CDH8: variants seen among roughly 807,000 people sequenced by gnomAD.
The protein encoded by CDH8 is cadherin-8.
In CDH8, 17 loss-of-function variants were observed where a neutral mutation model predicts 68.1. The observed-to-expected ratio is 0.25, with a 90% confidence interval of 0.17 to 0.37. CDH8 has a LOEUF of 0.37. CDH8 is among the 10% of genes least tolerant of loss of function. CDH8 has a pLI of 1.00. For missense variants in CDH8, 763 were observed against 999.3 expected (o/e 0.76, Z 3.19); for synonymous variants, 372 against 365.1 (o/e 1.02, Z -0.21).
intron 10 of CDH8, among the ~76,000 whole-genome samples, chr16:61,701,117 G>A (rs754600372): frequency 7.2e-5 from 11 of 152,152 alleles, no homozygotes; most frequent in African/African-American, 1.2e-4. Flanking sequence ...AAGACAATGC[G>A]TTGACCTGTT....
At chr16:62,016,464 A>G (rs1901942841) in intron 2 of CDH8, among the ~76,000 whole-genome samples, 1 of 152,202 alleles carries the variant, frequency 6.6e-6, no homozygotes, top group Non-Finnish European at 1.5e-5. Context: ...TGTCTACCAT[A>G]AAGAGTATCT....
chr16:61,680,396 A>G (rs935845757), intron 10 of CDH8, among the ~76,000 whole-genome samples: 1 of 151,822 alleles, frequency 6.6e-6, no homozygotes, highest in Non-Finnish European at 1.5e-5. Context: ...CATCCTACCA[A>G]TGCCGATTCT....
At chr16:61,808,923 C>T (rs748134475) in intron 7 of CDH8, among the ~76,000 whole-genome samples, 8 of 152,166 alleles carry the variant, frequency 5.3e-5, no homozygotes, top group East Asian at 1.9e-4. Context: ...CAGTGGCTAA[C>T]GCCTGTAATC....
chr16:61,774,391 C>T, intron 8 of CDH8, among the ~76,000 whole-genome samples: 1 of 151,388 alleles, frequency 6.6e-6, no homozygotes, highest in Non-Finnish European at 1.5e-5. Context: ...CAGTCAGTGC[C>T]CCACAATTTT....
chr16:61,713,979 T>TAAAA (rs1199083885), intron 9 of CDH8, 21 bp from the exon 10 acceptor site: 11 of 1,395,504 alleles, frequency 7.9e-6, no homozygotes, highest in Non-Finnish European at 3.1e-6. Flanking sequence ...AAACTTGACG[T>TAAAA]CAGCATTTCT....
intron 4 of CDH8, among the ~76,000 whole-genome samples, chr16:61,842,020 T>C (rs920023031): frequency 6.6e-6 from 1 of 151,348 alleles, no homozygotes; most frequent in Non-Finnish European, 1.5e-5. Context: ...CCTGAGTAGC[T>C]GGGACTACAG....
chr16:61,818,978 G>A (rs1341877747), intron 6 of CDH8, among the ~76,000 whole-genome samples: 7 of 148,320 alleles, frequency 4.7e-5, no homozygotes, highest in African/African-American at 7.5e-5. Context: ...AACCAGGCAG[G>A]CACTCACTTT....
At chr16:61,757,311 GC>G (rs1196561785) in intron 8 of CDH8, among the ~76,000 whole-genome samples, 9 of 152,032 alleles carry the variant, frequency 5.9e-5, no homozygotes, top group Admixed American at 4.6e-4. Flanking sequence ...AATGCTCTCT[GC>G]TTTCAGAATG....
chr16:62,012,954 CT>C (rs1901848283), intron 2 of CDH8, among the ~76,000 whole-genome samples: 2 of 152,048 alleles, frequency 1.3e-5, no homozygotes, highest in African/African-American at 4.8e-5. Context: ...TTTGCATTCT[CT>C]TTAAATTAAC....
chr16:61,952,789 T>C (rs1964918819), intron 2 of CDH8, among the ~76,000 whole-genome samples: 1 of 152,148 alleles, frequency 6.6e-6, no homozygotes, highest in Admixed American at 6.5e-5. Flanking sequence ...CTCGAATAAT[T>C]TTCACAAAAT....
At chr16:61,840,433 A>G (rs1962659305) in intron 4 of CDH8, among the ~76,000 whole-genome samples, 1 of 152,232 alleles carries the variant, frequency 6.6e-6, no homozygotes, top group Non-Finnish European at 1.5e-5. Context: ...CAGACAGACA[A>G]TAAACAAATT....
chr16:61,778,483 A>T (rs1960957128), intron 8 of CDH8, among the ~76,000 whole-genome samples: 1 of 152,142 alleles, frequency 6.6e-6, no homozygotes. Flanking sequence ...CATAATTACC[A>T]AATATTTTGT....
Position 61,871,671 on chromosome 16 carries a change from AAAC to A in CDH8, c.548-14436_548-14434del, listed in dbSNP as rs138848335. On this transcript the variant is annotated intron_variant, in intron 3 of 11. Coordinates refer to ENST00000577390, the MANE Select transcript of CDH8 (RefSeq NM_001796.5). Reference sequence around the variant, plus strand: ...AATGTGAGAAAACCTTAATTGTTAAAAACAACAACAACAAAAAGCTAAAATGTT... The same window carrying A: ...AATGTGAGAAAACCTTAATTGTTAAAAACAACAACAAAAAGCTAAAATGTT... Among the ~76,000 whole-genome samples the A allele has an allele frequency of 0.021, 3,236 of 151,998 alleles. 227 individuals are homozygous for A. In the East Asian group the frequency reaches 0.23, roughly 11 times the overall value.
chr16:61,982,127 C>T (rs1226390119), intron 2 of CDH8, among the ~76,000 whole-genome samples: 1 of 152,104 alleles, frequency 6.6e-6, no homozygotes, highest in African/African-American at 2.4e-5. Flanking sequence ...TATAGCAGAT[C>T]ATTATAACGT....
At chr16:61,956,070 AAAGG>A (rs774034299) in intron 2 of CDH8, among the ~76,000 whole-genome samples, 42 of 152,336 alleles carry the variant, frequency 2.8e-4, no homozygotes, top group East Asian at 1.2e-3. Context: ...TGTTCAAATA[AAAGG>A]AAGAAAATAT....
chr16:61,979,673 T>C lies in CDH8; in HGVS notation c.252+41479A>G, dbSNP rs548093615. Among the ~76,000 whole-genome samples, 3 of 151,764 alleles carry C rather than the reference T, an allele frequency of 2.0e-5. No individual in the cohort carries two copies. In the South Asian group the frequency reaches 6.3e-4, roughly 32 times the overall value. ...TTTTTTTTTCTAAGATACCATCAGG[T>C]TTTTCTATAATGTCAGCCACTGTTC... On this transcript the variant is annotated intron_variant, in intron 2 of 11. Transcript: ENST00000577390.
At chr16:61,880,848 G>A (rs2143125424) in intron 3 of CDH8, among the ~76,000 whole-genome samples, 1 of 152,316 alleles carries the variant, frequency 6.6e-6, no homozygotes, top group South Asian at 2.1e-4. Context: ...CGTTACATGA[G>A]ATTGTGTCCA....
At chr16:61,965,659 G>A (rs1439677351) in intron 2 of CDH8, among the ~76,000 whole-genome samples, 1 of 152,024 alleles carries the variant, frequency 6.6e-6, no homozygotes, top group Non-Finnish European at 1.5e-5. Flanking sequence ...AAGAACAAAA[G>A]CAAGGACTAG....
chr16:61,794,313 A>C (rs2142995258), intron 7 of CDH8, among the ~76,000 whole-genome samples: 1 of 152,156 alleles, frequency 6.6e-6, no homozygotes, highest in African/African-American at 2.4e-5. Flanking sequence ...ACAGTCTGTT[A>C]TCCTGAGTTC....
Sources: allele counts gnomAD v4.1 joint callset (sites outside exome capture counted in the v4.1 genomes callset), GRCh38; gene constraint gnomAD v4.1.1; transcripts MANE v1.5; gene names NCBI Gene and HGNC (gene_info 2026-07-23, HGNC 2026-07-21).